The following PDGFRA variants were observed in gnomAD, a reference collection of about 807,000 sequenced individuals.
PDGFRA encodes the protein platelet derived growth factor receptor alpha.
PDGFRA carries 25 observed loss-of-function variants against 121.5 expected under a neutral mutation model. That is an observed-to-expected ratio of 0.21 (90% CI 0.15 to 0.29). PDGFRA has a LOEUF of 0.29. Ranked by LOEUF, PDGFRA falls within the 10% of genes least tolerant of loss-of-function variation. The pLI is 1.00. For synonymous variants in PDGFRA, 463 were observed against 494.8 expected (o/e 0.94, Z 0.85); for missense variants, 1,008 against 1,345.1 (o/e 0.75, Z 3.92).
intron 1 of PDGFRA, among the ~76,000 whole-genome samples, chr4:54,249,238 G>A (rs1412170867): frequency 6.6e-6 from 1 of 152,126 alleles, no homozygotes; most frequent in Non-Finnish European, 1.5e-5. Context: ...ATTCCTCAGG[G>A]ATCTAGAACT....
intron 4 of PDGFRA, 167 bp from the exon 5 acceptor site, chr4:54,264,752 C>T (rs774738982): frequency 1.7e-6 from 1 of 605,702 alleles, no homozygotes; most frequent in Non-Finnish European, 2.9e-6. Flanking sequence ...TTGTTGTACA[C>T]CATCTCACAA....
chr4:54,261,146 A>G lies in PDGFRA; in HGVS notation c.101A>G (p.Glu34Gly). The change falls in exon 3 of 23, where the codon GAA (glutamate) becomes GGA (glycine). Residue 34 changes from glutamate to glycine, a missense_variant. Glu to Gly is a moderately conservative substitution (Grantham distance 98, BLOSUM62 -2). Around this residue, in one of 5 missense-constraint regions of PDGFRA, gnomAD observed 575 missense variants for 701.8 expected, o/e 0.82. Transcript: ENST00000257290. ...QLSLPSILPNENEKVVQLNSS... is the reference protein window; with the variant it reads ...QLSLPSILPNGNEKVVQLNSS... ...TCATTACCCTCTATCCTTCCAAATGAAAATGAAAAGGTTGTGCAGCTGAAT... is the reference window on the plus strand; with the variant it reads ...TCATTACCCTCTATCCTTCCAAATGGAAATGAAAAGGTTGTGCAGCTGAAT... 6.2e-7 allele frequency: 1 copy of G among 1,614,200 alleles called. No homozygotes were observed. Among genetic ancestry groups the G allele is most frequent in the South Asian group, 1.1e-5 (1 of 91,082 alleles).
At chr4:54,291,851 C>T (rs547655667) in intron 22 of PDGFRA, among the ~76,000 whole-genome samples, 217 of 141,712 alleles carry the variant, frequency 1.5e-3, no homozygotes, top group African/African-American at 4.1e-3. Flanking sequence ...GCACTATTCA[C>T]GATAGCAAAG....
At chr4:54,271,957 TCCC>T (rs1560477010) in intron 8 of PDGFRA, among the ~76,000 whole-genome samples, 2 of 6,736 alleles carry the variant, frequency 3.0e-4, no homozygotes, top group African/African-American at 1.5e-3. Flanking sequence ...TCCTTCATTC[TCCC>T]CTCCCCTCCC....
chr4:54,280,343 T>G lies in PDGFRA; in HGVS notation c.2184T>G (p.Asn728Lys), dbSNP rs1724001799. The G allele has an allele frequency of 6.2e-7, 1 of 1,613,834 alleles. No homozygotes were observed. Among genetic ancestry groups the G allele is most frequent in the Non-Finnish European group, 8.5e-7 (1 of 1,179,728 alleles). ...RSYVILSFEN[N>K]GDYMDMKQAD... is the part of the protein sequence containing the mutation. ...ATGTTATTTTATCTTTTGAAAACAATGGTGACTACATGGACATGAAGCAGG... is the reference window on the plus strand; with the variant it reads ...ATGTTATTTTATCTTTTGAAAACAAGGGTGACTACATGGACATGAAGCAGG... Residue 728 changes from asparagine to lysine, a missense_variant, in exon 16 of 23, where the codon AAT becomes AAG. Asn to Lys is a moderately conservative substitution (Grantham distance 94). Transcript: ENST00000257290.
chr4:54,272,249 G>A, intron 8 of PDGFRA, 145 bp from the exon 9 acceptor site: 2 of 784,812 alleles, frequency 2.5e-6, no homozygotes, highest in South Asian at 1.5e-5. Flanking sequence ...GTCTAAACTG[G>A]AGTGTTACTT....
chr4:54,269,797 C>T (rs563086228), intron 7 of PDGFRA, among the ~76,000 whole-genome samples: 1 of 146,506 alleles, frequency 6.8e-6, no homozygotes, highest in Non-Finnish European at 1.5e-5. Flanking sequence ...CATGTGCCAC[C>T]ATGCCTGGCT....
At chr4:54,285,660 A>T (rs1724318562) in intron 17 of PDGFRA, among the ~76,000 whole-genome samples, 174 bp downstream of exon 17, 1 of 151,884 alleles carries the variant, frequency 6.6e-6, no homozygotes, top group African/African-American at 2.4e-5. Context: ...TCAGGCATCT[A>T]CTCTTCTCTA....
Position 54,274,635 on chromosome 4 carries a change from T to A in PDGFRA, c.1653+10T>A. The A allele has an allele frequency of 6.3e-7, 1 of 1,599,986 alleles. No homozygotes were observed. The highest frequency in any genetic ancestry group is 8.6e-7 in the Non-Finnish European group (1 of 1,167,078). On this transcript the variant is annotated intron_variant, in intron 11 of 22. Transcript: ENST00000257290. ...TGTCATTTGGAAACAGGTAGATATT[T>A]TCTCATAAAACTAAAGATCTTTGAA...
intron 1 of PDGFRA, among the ~76,000 whole-genome samples, chr4:54,251,278 C>T (rs555554649): frequency 1.5e-3 from 233 of 152,146 alleles, no homozygotes; most frequent in African/African-American, 5.1e-3. Flanking sequence ...CATTGCATAT[C>T]CTTTCTGTTT....
intron 1 of PDGFRA, among the ~76,000 whole-genome samples, chr4:54,243,337 A>T (rs1489075710): frequency 6.6e-6 from 1 of 152,224 alleles, no homozygotes; most frequent in Non-Finnish European, 1.5e-5. Flanking sequence ...TATGTAATTG[A>T]GATTACTGGA....
intron 1 of PDGFRA, among the ~76,000 whole-genome samples, chr4:54,233,670 C>A (rs538477682): frequency 1.3e-5 from 2 of 152,066 alleles, no homozygotes; most frequent in African/African-American, 4.8e-5. Flanking sequence ...GAGAGGGGGC[C>A]GAGGTCTCTG....
chr4:54,243,921 C>A (rs187472267), intron 1 of PDGFRA, among the ~76,000 whole-genome samples: 2 of 152,362 alleles, frequency 1.3e-5, no homozygotes, highest in Non-Finnish European at 2.9e-5. Context: ...ATATCCCGCA[C>A]ATGGCTCAGA....
intron 16 of PDGFRA, among the ~76,000 whole-genome samples, chr4:54,283,369 G>A (rs939778272): frequency 3.9e-5 from 6 of 152,218 alleles, no homozygotes; most frequent in Middle Eastern, 3.2e-3. Context: ...ACATGGAAGC[G>A]GCCAAGGTTT....
intron 2 of PDGFRA, among the ~76,000 whole-genome samples, 178 bp from the exon 3 acceptor site, chr4:54,260,917 C>T (rs1722663671): frequency 6.6e-6 from 1 of 152,148 alleles, no homozygotes; most frequent in South Asian, 2.1e-4. Flanking sequence ...ACATTTGCTG[C>T]TCTCAGCAGA....
chr4:54,279,446 C>G (rs1723944103), intron 15 of PDGFRA, among the ~76,000 whole-genome samples: 1 of 152,200 alleles, frequency 6.6e-6, no homozygotes, highest in African/African-American at 2.4e-5. Flanking sequence ...CAGATCAAGT[C>G]ATTTTCCTTA....
intron 12 of PDGFRA, chr4:54,276,880 G>A (rs956615521): frequency 1.1e-5 from 2 of 181,316 alleles, no homozygotes; most frequent in Admixed American, 1.1e-4. Context: ...TCTTGGTAGA[G>A]TGGCTTTCCT....
intron 16 of PDGFRA, 61 bp downstream of exon 16, chr4:54,280,543 A>T: frequency 1.4e-6 from 2 of 1,388,040 alleles, no homozygotes. Flanking sequence ...TATGATACTT[A>T]AAGTATTTAG....
intron 1 of PDGFRA, among the ~76,000 whole-genome samples, chr4:54,258,405 T>C (rs1722490545): frequency 6.6e-6 from 1 of 152,168 alleles, no homozygotes; most frequent in South Asian, 2.1e-4. Flanking sequence ...ACCTCTTTAT[T>C]AATTGAAACG....
Sources: allele counts gnomAD v4.1 joint callset (sites outside exome capture counted in the v4.1 genomes callset), GRCh38; gene constraint gnomAD v4.1.1; regional missense constraint gnomAD v4.1.1; transcripts MANE v1.5; gene names NCBI Gene and HGNC (gene_info 2026-07-23, HGNC 2026-07-21).